The following AIFM2 variants were observed in gnomAD, a reference collection of about 807,000 sequenced individuals.
AIFM2 encodes the protein AIF family member 2, ferroptosis suppressor, also known as ferroptosis suppressor protein 1.
AIFM2 carries 38 observed loss-of-function variants against 35.7 expected under a neutral mutation model. The ratio of observed to expected loss-of-function variants is 1.06; its 90% CI spans 0.82 to 1.39. The LOEUF is 1.39. Among genes scored for constraint, AIFM2 ranks in the 40% most tolerant of loss-of-function variants. The pLI is 0.00. For synonymous variants in AIFM2, 185 were observed against 203.5 expected (o/e 0.91, Z 0.77); for missense variants, 476 against 491.2 (o/e 0.97, Z 0.29).
Position 70,116,673 on chromosome 10 carries a change from T to C in AIFM2, c.718A>G (p.Ile240Val). ...KGTEVATNLV[I>V]LCTGIKINSS... ...TTGATCTTGATGCCGGTGCAGAGAA[T>C]CACCAGGTTGGTGGCCACCTCTGTG... Residue 240 changes from isoleucine (I) to valine (V), a missense_variant, in exon 7 of 9, where the codon ATT becomes GTT. Ile to Val is a conservative substitution (Grantham distance 29). Coordinates refer to ENST00000307864, the MANE Select transcript of AIFM2 (RefSeq NM_032797.6). The C allele has an allele frequency of 6.2e-7, 1 of 1,614,176 alleles. No individual in the cohort carries two copies. Among genetic ancestry groups the C allele is most frequent in the Non-Finnish European group, 8.5e-7 (1 of 1,180,038 alleles).
Position 70,117,960 on chromosome 10 carries a change from C to T in AIFM2, c.508-40G>A. ...ACCACAGGGCCTGAGAAGGAGCCCC[C>T]AAGTCTTCAAACACAATCATTGCAC... On this transcript the variant is annotated intron_variant, in intron 5 of 8. Transcript: ENST00000307864. The surrounding 1 kb of genome is among the most constrained non-coding windows in gnomAD (Gnocchi z 4.7). The T allele has an allele frequency of 6.9e-7, 1 of 1,456,592 alleles. No individual in the cohort carries two copies. The highest frequency in any genetic ancestry group is 2.3e-5 in the East Asian group (1 of 42,960). 90.2% of individuals were successfully genotyped at this position (1,456,592 alleles called of 1,614,324 possible).
intron 5 of AIFM2, among the ~76,000 whole-genome samples, chr10:70,119,900 C>G (rs1351921619): frequency 1.3e-5 from 2 of 152,198 alleles, no homozygotes; most frequent in Non-Finnish European, 2.9e-5. Context: ...GGATCTCTGT[C>G]TTTTGAGCAT....
rs754097963 is a variant in AIFM2, at chr10:70,121,137, G to A, written c.369C>T (p.Ser123=). Residue 123 remains serine (S), a synonymous_variant, in exon 4 of 9, where the codon TCC becomes TCT. Coordinates refer to ENST00000307864, the MANE Select transcript of AIFM2 (RefSeq NM_032797.6). ...AGGCCTGGATAGCGGCCTGCTGGCT[G>A]GAAACCTCATTAAACTTGCCCGGGA... The part of the protein sequence containing the change: ...GPFPGKFNEV[S]SQQAAIQAYE... The A allele has an allele frequency of 1.2e-6, 2 of 1,605,938 alleles. No individual in the cohort carries two copies. The highest frequency in any genetic ancestry group is 1.4e-5 in the African/African-American group (1 of 73,786).
At chr10:70,118,778 T>C (rs540240650) in intron 5 of AIFM2, among the ~76,000 whole-genome samples, 2 of 152,326 alleles carry the variant, frequency 1.3e-5, no homozygotes, top group East Asian at 1.9e-4. Context: ...TTGGTCCTCA[T>C]TGCCGGTTCT....
At chr10:70,119,506 A>T (rs1455754475) in intron 5 of AIFM2, among the ~76,000 whole-genome samples, 1 of 152,210 alleles carries the variant, frequency 6.6e-6, no homozygotes, top group Non-Finnish European at 1.5e-5. Flanking sequence ...AGAATTGGTC[A>T]GTGGGGGAAA....
At chr10:70,115,538 G>A (rs1444235207) in intron 7 of AIFM2, among the ~76,000 whole-genome samples, 1 of 152,200 alleles carries the variant, frequency 6.6e-6, no homozygotes, top group Non-Finnish European at 1.5e-5. Flanking sequence ...AGGCCGAGGC[G>A]GCCAGATCAC....
chr10:70,129,926 C>G (rs1395698807), intron 1 of AIFM2, among the ~76,000 whole-genome samples: 1 of 151,858 alleles, frequency 6.6e-6, no homozygotes, highest in Non-Finnish European at 1.5e-5. Context: ...ACTCACACCT[C>G]TAATCCCAAC....
intron 1 of AIFM2, among the ~76,000 whole-genome samples, chr10:70,125,574 T>C (rs1488459263): frequency 6.8e-6 from 1 of 148,110 alleles, no homozygotes; most frequent in Non-Finnish European, 1.5e-5. Context: ...GCCGTAACTA[T>C]GCCACTGCAC....
At chr10:70,114,751 G>C in intron 8 of AIFM2, 169 bp downstream of exon 8, 2 of 845,762 alleles carry the variant, frequency 2.4e-6, no homozygotes, top group Non-Finnish European at 3.6e-6. Flanking sequence ...TGGGGTTACA[G>C]GTGTGAGCCA....
rs139166830 is a variant in AIFM2, at chr10:70,115,047, G to A, written c.843C>T (p.Tyr281=). The change falls in exon 8 of 9, where the codon TAC becomes TAT. Residue 281 remains tyrosine, a synonymous_variant. Transcript: ENST00000307864. ...HLQVEGHSNV[Y]AIGDCADVRT... ...TCACGTCGGCACAGTCACCAATGGCGTAGACGTTGCTGTGGCCCTCCACCT... is the reference window on the plus strand; with the variant it reads ...TCACGTCGGCACAGTCACCAATGGCATAGACGTTGCTGTGGCCCTCCACCT... 156 of 1,614,228 alleles carry A rather than the reference G, an allele frequency of 9.7e-5. 1 individual carries two copies. The highest frequency in any genetic ancestry group is 6.5e-4 in the South Asian group (59 of 91,078).
chr10:70,126,265 G>T (rs1358100933), intron 1 of AIFM2, among the ~76,000 whole-genome samples: 1 of 152,240 alleles, frequency 6.6e-6, no homozygotes, highest in Non-Finnish European at 1.5e-5. Context: ...AAGCCAGGCT[G>T]CTGGGGGGAG....
chr10:70,118,132 G>T, intron 5 of AIFM2: 1 of 498,632 alleles, frequency 2.0e-6, no homozygotes, highest in Admixed American at 4.2e-5. Flanking sequence ...GTACCCTCCT[G>T]CCACACCCAG....
At position 70,131,308 on chromosome 10, in the gene AIFM2, A is replaced by G. The variant is rs1219335849; in HGVS notation, c.-14+1426T>C. 6.6e-6 allele frequency among the ~76,000 whole-genome samples: 1 copy of G among 152,224 alleles called. No homozygotes were observed. The highest frequency in any genetic ancestry group is 1.5e-5 in the Non-Finnish European group (1 of 68,036). On this transcript the variant is annotated intron_variant, in intron 1 of 8. Transcript: ENST00000307864. The surrounding 1 kb of genome is among the most constrained non-coding windows in gnomAD (Gnocchi z 4.1). ...CCGTCCCGGATAAGAAGGCCACTACAGCACGACTCACAGCACCATGGAGGT... is the reference window on the plus strand; with the variant it reads ...CCGTCCCGGATAAGAAGGCCACTACGGCACGACTCACAGCACCATGGAGGT...
intron 2 of AIFM2, 55 bp from the exon 3 acceptor site, chr10:70,123,575 G>T: frequency 1.3e-6 from 2 of 1,506,246 alleles, no homozygotes; most frequent in Non-Finnish European, 1.8e-6. Context: ...CCCACGGGAA[G>T]CCAGAGTGAC....
intron 8 of AIFM2, 48 bp from the exon 9 acceptor site, chr10:70,114,377 G>C (rs2072409800): frequency 6.2e-7 from 1 of 1,609,272 alleles, no homozygotes; most frequent in Non-Finnish European, 8.5e-7. Flanking sequence ...GAACCGCCTG[G>C]GGCTGCACCT....
At chr10:70,116,876 GC>G in intron 6 of AIFM2, 102 bp from the exon 7 acceptor site, 1 of 1,428,668 alleles carries the variant, frequency 7.0e-7, no homozygotes, top group East Asian at 2.3e-5. Flanking sequence ...GACCTCTGGG[GC>G]CCAACTGGGC....
Position 70,123,266 on chromosome 10 carries a change from G to A in AIFM2, c.294+139C>T, listed in dbSNP as rs7072546. On this transcript the variant is annotated intron_variant, in intron 3 of 8. Coordinates refer to ENST00000307864, the MANE Select transcript of AIFM2 (RefSeq NM_032797.6). The stretch of plus-strand genomic sequence containing the variant: ...ACTCCTGACCTCAGGTGATCCGCCC[G>A]CCTTGGCCTCCCACAGTGCTGAGAT... 2.8e-5 allele frequency: 18 copies of A among 645,776 alleles called. No individual in the cohort carries two copies. The East Asian group carries it at 3.0e-4, about 11-fold the overall frequency. The allele number at this position is 645,776 out of a possible 1,614,324, so 40.0% of individuals were successfully genotyped here. A position where few individuals can be genotyped will look rare whatever the true frequency, so the allele number is the denominator to read the frequency against.
At chr10:70,128,511 A>G (rs1160493878) in intron 1 of AIFM2, among the ~76,000 whole-genome samples, 2 of 152,232 alleles carry the variant, frequency 1.3e-5, no homozygotes, top group Non-Finnish European at 2.9e-5. Context: ...GGCATGTGCC[A>G]TCATGCCCGG....
chr10:70,129,807 T>C lies in AIFM2; in HGVS notation c.-14+2927A>G, dbSNP rs543215501. ...TTTTAATCAAAATAGAATTCACATA[T>C]ACAATTTACCACTTAAGATGTAAGT... is the stretch of plus-strand genomic sequence containing the variant. On this transcript the variant is annotated intron_variant, in intron 1 of 8. Coordinates refer to ENST00000307864, the MANE Select transcript of AIFM2 (RefSeq NM_032797.6). 3.9e-5 allele frequency among the ~76,000 whole-genome samples: 6 copies of C among 152,130 alleles called. No individual in the cohort carries two copies. In the East Asian group the frequency reaches 1.2e-3, roughly 29 times the overall value.
Sources: gnomAD v4.1 joint callset for allele counts (sites outside exome capture counted in the v4.1 genomes callset) on GRCh38, gnomAD v4.1.1 for gene constraint, Gnocchi (gnomAD v3.1) non-coding constraint, MANE v1.5 for transcripts, NCBI Gene and HGNC (gene_info 2026-07-23, HGNC 2026-07-21) for gene names.